The following PRKCH variants were observed in gnomAD, a reference collection of about 807,000 sequenced individuals.
PRKCH encodes the protein protein kinase C eta.
A neutral mutation model predicts 82.5 loss-of-function variants in PRKCH; 28 were observed. The observed-to-expected ratio is 0.34, with a 90% confidence interval of 0.25 to 0.47. The LOEUF is 0.47. PRKCH is among the 20% of genes least tolerant of loss of function. The pLI, the probability that PRKCH is intolerant of heterozygous loss-of-function variation, is 1.00. For synonymous variants in PRKCH, 322 were observed against 327.4 expected (o/e 0.98, Z 0.18); for missense variants, 705 against 881.8 (o/e 0.80, Z 2.54).
intron 1 of PRKCH, among the ~76,000 whole-genome samples, chr14:61,373,351 A>G (rs898772519): frequency 3.3e-5 from 5 of 151,844 alleles, no homozygotes; most frequent in African/African-American, 4.8e-5. Context: ...AAGGGAGAGT[A>G]AAGGGGAAAG....
At chr14:61,192,032 G>A (rs2044410073) in intron 1 of PRKCH, among the ~76,000 whole-genome samples, 1 of 151,948 alleles carries the variant, frequency 6.6e-6, no homozygotes, top group Non-Finnish European at 1.5e-5. Context: ...GTGTGTGTGT[G>A]TGTGTGTGTG....
At chr14:61,547,501 GCTTT>G (rs2043273130) in intron 12 of PRKCH, among the ~76,000 whole-genome samples, 1 of 152,176 alleles carries the variant, frequency 6.6e-6, no homozygotes, top group Non-Finnish European at 1.5e-5. Flanking sequence ...GGACCCTCCT[GCTTT>G]CTTTTAGTGG....
intron 1 of PRKCH, chr14:61,304,834 A>G (rs1442117918): frequency 1.3e-5 from 2 of 152,038 alleles, no homozygotes; most frequent in East Asian, 3.9e-4. Context: ...AAAAAAAAAA[A>G]AAAGCTGGGT....
chr14:61,264,501 A>G (rs944330518), intron 1 of PRKCH, among the ~76,000 whole-genome samples: 5 of 152,208 alleles, frequency 3.3e-5, no homozygotes, highest in Non-Finnish European at 7.3e-5. Context: ...TTGATTGTTG[A>G]ATTGTGCCTA....
intron 6 of PRKCH, among the ~76,000 whole-genome samples, 183 bp downstream of exon 6, chr14:61,451,154 T>C (rs1441032997): frequency 2.6e-4 from 39 of 152,232 alleles, no homozygotes; most frequent in Non-Finnish European, 4.4e-5. Context: ...CTTCATCTGA[T>C]GCCAACATTT....
At chr14:61,398,669 T>C (rs1050132619) in intron 2 of PRKCH, among the ~76,000 whole-genome samples, 3 of 152,198 alleles carry the variant, frequency 2.0e-5, no homozygotes, top group African/African-American at 7.2e-5. Flanking sequence ...CCAGTCAGGC[T>C]TCCAGATCCA....
chr14:61,448,946 A>G (rs1884357036), intron 4 of PRKCH, among the ~76,000 whole-genome samples: 1 of 152,100 alleles, frequency 6.6e-6, no homozygotes, highest in Admixed American at 6.6e-5. Context: ...GGAAGGAAGA[A>G]ATAGGCCCAG....
intron 1 of PRKCH, among the ~76,000 whole-genome samples, chr14:61,216,821 A>G (rs967639646): frequency 6.6e-6 from 1 of 152,240 alleles, no homozygotes; most frequent in Non-Finnish European, 1.5e-5. Context: ...AAAAAATTAT[A>G]GTTAATCTAA....
intron 1 of PRKCH, among the ~76,000 whole-genome samples, chr14:61,276,874 T>A (rs1252710711): frequency 6.6e-6 from 1 of 152,110 alleles, no homozygotes; most frequent in Non-Finnish European, 1.5e-5. Flanking sequence ...AGACTATTAG[T>A]CTGTCTCTGA....
chr14:61,343,351 C>CAAAAAAAAA (rs57154047), intron 1 of PRKCH, among the ~76,000 whole-genome samples: 4 of 87,328 alleles, frequency 4.6e-5, no homozygotes, highest in East Asian at 3.5e-4. Flanking sequence ...CCAGTTCCCT[C>CAAAAAAAAA]AAAAAAAAAA....
chr14:61,457,419 T>C, intron 8 of PRKCH, 87 bp from the exon 9 acceptor site: 1 of 1,587,368 alleles, frequency 6.3e-7, no homozygotes, highest in South Asian at 1.1e-5. Context: ...ACATTTCTCA[T>C]GTGCCATTCT....
intron 10 of PRKCH, among the ~76,000 whole-genome samples, chr14:61,520,074 C>CAAAAAAA (rs71992585): frequency 4.1e-5 from 4 of 97,424 alleles, no homozygotes; most frequent in African/African-American, 9.8e-5. Flanking sequence ...CTACAGAAAC[C>CAAAAAAA]AAAAAAAAAA....
chr14:61,484,879 C>T (rs1186975571), intron 9 of PRKCH, among the ~76,000 whole-genome samples: 1 of 151,190 alleles, frequency 6.6e-6, no homozygotes, highest in Non-Finnish European at 1.5e-5. Context: ...GGTGATCCTC[C>T]TGCCTAATTT....
intron 1 of PRKCH, among the ~76,000 whole-genome samples, chr14:61,198,116 C>T (rs1329799364): frequency 6.6e-6 from 1 of 152,050 alleles, no homozygotes; most frequent in Non-Finnish European, 1.5e-5. Context: ...ATCTATTGTC[C>T]ATTTTAAGCT....
chr14:61,214,978 A>G (rs1002875484), intron 1 of PRKCH, among the ~76,000 whole-genome samples: 1 of 152,204 alleles, frequency 6.6e-6, no homozygotes, highest in Non-Finnish European at 1.5e-5. Flanking sequence ...CTAGGTGAAA[A>G]GCTTTCTGAG....
chr14:61,251,849 A>C (rs1198366693), intron 1 of PRKCH, among the ~76,000 whole-genome samples: 2 of 148,248 alleles, frequency 1.3e-5, no homozygotes, highest in East Asian at 3.9e-4. Context: ...TTTTTTTTTT[A>C]TTTGTTTTGA....
chr14:61,197,177 C>T (rs2044447490), intron 1 of PRKCH, among the ~76,000 whole-genome samples: 1 of 152,194 alleles, frequency 6.6e-6, no homozygotes, highest in Admixed American at 6.5e-5. Context: ...ATTGAGCCCT[C>T]ACTGATTTTC....
At chr14:61,319,309 C>A (rs376521925), upstream of PRKCH, among the ~76,000 whole-genome samples, 2 of 152,194 alleles carry the variant, frequency 1.3e-5, no homozygotes, top group Non-Finnish European at 1.5e-5. Context: ...CCTGACCACC[C>A]ATCCAGTTAT....
rs570843660 is a variant in PRKCH, at chr14:61,312,497, T to G, written c.-19+124829T>G. Among the ~76,000 whole-genome samples, 5 of 152,318 alleles carry G rather than the reference T, an allele frequency of 3.3e-5. No homozygotes were observed. In the South Asian group the frequency reaches 1.0e-3, roughly 32 times the overall value. ...TCCTGGTAAAATAGTCAATTTAAAG[T>G]GAAGCTCTCCATATTGGTCCATTTT... On this transcript the variant is annotated intron_variant, in intron 1 of 3. Coordinates refer to the PRKCH transcript ENST00000555185.
Sources: allele counts gnomAD v4.1 joint callset (sites outside exome capture counted in the v4.1 genomes callset), GRCh38; gene constraint gnomAD v4.1.1; transcripts MANE v1.5; gene names NCBI Gene and HGNC (gene_info 2026-07-23, HGNC 2026-07-21).